NLGN1: variants seen among roughly 807,000 people sequenced by gnomAD.
The protein encoded by NLGN1 is neuroligin-1.
Under a neutral mutation model 65.5 loss-of-function variants are expected in NLGN1, and 12 were observed. That is an observed-to-expected ratio of 0.18 (90% CI 0.12 to 0.30). The LOEUF is 0.30. Among genes scored for constraint, NLGN1 ranks in the 10% least tolerant of loss-of-function variants. The pLI is 1.00. For missense variants in NLGN1, 750 were observed against 1,007.1 expected (o/e 0.74, Z 3.46); for synonymous variants, 350 against 359.5 (o/e 0.97, Z 0.30).
chr3:173,995,103 G>T (rs1182975637), intron 4 of NLGN1, among the ~76,000 whole-genome samples: 1 of 152,182 alleles, frequency 6.6e-6, no homozygotes, highest in Non-Finnish European at 1.5e-5. Context: ...CTAGCCCGAG[G>T]TTTGCAATGT....
intron 2 of NLGN1, among the ~76,000 whole-genome samples, chr3:173,559,944 T>G (rs1259612874): frequency 3.8e-5 from 1 of 26,144 alleles, no homozygotes; most frequent in African/African-American, 2.2e-4. Context: ...TAGATACACT[T>G]TTTTTTTTTT....
chr3:174,004,555 C>T lies in NLGN1; in HGVS notation c.646+196723C>T, dbSNP rs140232321. On this transcript the variant is annotated intron_variant, in intron 4 of 6. Coordinates refer to ENST00000457714, the Ensembl canonical transcript of NLGN1. ...TAAAACAAAAACATTCTTGGACTCT[C>T]ATTTACTAATATAGTAATTCTATTT... Among the ~76,000 whole-genome samples, 291 of 152,238 alleles carry T rather than the reference C, an allele frequency of 1.9e-3. 1 individual carries two copies. Among genetic ancestry groups the T allele is most frequent in the African/African-American group, 6.8e-3 (281 of 41,548 alleles).
At chr3:173,676,212 T>G (rs1763152044) in intron 3 of NLGN1, among the ~76,000 whole-genome samples, 1 of 152,148 alleles carries the variant, frequency 6.6e-6, no homozygotes, top group Non-Finnish European at 1.5e-5. Context: ...CTGCTCTTCC[T>G]TGTTTTCTAA....
chr3:174,069,423 T>C (rs1390156802), intron 4 of NLGN1, among the ~76,000 whole-genome samples: 1 of 152,068 alleles, frequency 6.6e-6, no homozygotes, highest in Non-Finnish European at 1.5e-5. Context: ...AGGAGACCAA[T>C]TAGAAGGATA....
At chr3:173,744,388 C>T (rs1446263579) in intron 3 of NLGN1, among the ~76,000 whole-genome samples, 1 of 152,096 alleles carries the variant, frequency 6.6e-6, no homozygotes, top group Non-Finnish European at 1.5e-5. Flanking sequence ...CAGATGCACT[C>T]TCTGCTCACT....
At chr3:174,078,901 A>T (rs1218350217) in intron 4 of NLGN1, among the ~76,000 whole-genome samples, 1 of 152,160 alleles carries the variant, frequency 6.6e-6, no homozygotes, top group Non-Finnish European at 1.5e-5. Flanking sequence ...CAAATCAACA[A>T]ATCTAAAGAA....
At chr3:174,081,166 GA>G (rs1742109656) in intron 4 of NLGN1, among the ~76,000 whole-genome samples, 1 of 152,116 alleles carries the variant, frequency 6.6e-6, no homozygotes. Context: ...ACTTAGACAA[GA>G]AAAAGTCTGA....
At chr3:173,694,636 C>T (rs1765938607) in intron 3 of NLGN1, among the ~76,000 whole-genome samples, 1 of 152,114 alleles carries the variant, frequency 6.6e-6, no homozygotes, top group Admixed American at 6.5e-5. Context: ...GAAAACTTGT[C>T]ATTTTTTCAT....
chr3:173,524,262 C>T (rs904118900), intron 2 of NLGN1, among the ~76,000 whole-genome samples: 1 of 151,900 alleles, frequency 6.6e-6, no homozygotes, highest in African/African-American at 2.4e-5. Context: ...TGTAGTTTTC[C>T]TTATAGAGAT....
intron 4 of NLGN1, among the ~76,000 whole-genome samples, chr3:174,117,932 A>G (rs185076345): frequency 6.6e-6 from 1 of 152,194 alleles, no homozygotes; most frequent in African/African-American, 2.4e-5. Flanking sequence ...CAGGATCTGA[A>G]CTAATCTGGC....
rs907117529 is a variant in NLGN1, at chr3:173,845,592, ATAGG to A, written c.646+37766_646+37769del. Reference sequence around the variant, plus strand: ...GGTAGATGGGTAGATGGATAGACAGATAGGTAGGTGGATGGATAGATAGATAGAT... The same window carrying A: ...GGTAGATGGGTAGATGGATAGACAGATAGGTGGATGGATAGATAGATAGAT... On this transcript the variant is annotated intron_variant, in intron 4 of 6. Transcript: ENST00000457714. 5.5e-5 allele frequency among the ~76,000 whole-genome samples: 8 copies of A among 146,374 alleles called. No individual in the cohort carries two copies. The South Asian group carries it at 8.7e-4, about 16-fold the overall frequency.
intron 3 of NLGN1, among the ~76,000 whole-genome samples, chr3:173,613,425 G>A (rs980115126): frequency 3.3e-5 from 5 of 151,776 alleles, no homozygotes; most frequent in Non-Finnish European, 5.9e-5. Flanking sequence ...TTTGTTTTTT[G>A]GTATTTTTCT....
chr3:173,576,301 T>C (rs907040770), intron 2 of NLGN1, among the ~76,000 whole-genome samples: 18 of 152,194 alleles, frequency 1.2e-4, no homozygotes, highest in African/African-American at 4.1e-4. Context: ...TTAATATCTT[T>C]AATATTTTTA....
intron 3 of NLGN1, among the ~76,000 whole-genome samples, chr3:173,681,887 CATTT>C (rs767341342): frequency 6.6e-6 from 1 of 152,158 alleles, no homozygotes; most frequent in Non-Finnish European, 1.5e-5. Context: ...TTGGGGAATT[CATTT>C]AACTACCCTA....
At chr3:174,121,629 T>C (rs907001253) in intron 4 of NLGN1, among the ~76,000 whole-genome samples, 7 of 152,190 alleles carry the variant, frequency 4.6e-5, no homozygotes, top group Non-Finnish European at 5.9e-5. Flanking sequence ...ACAATTTCAT[T>C]TGGAATAGAT....
chr3:173,769,830 G>A (rs1779323957), intron 3 of NLGN1, among the ~76,000 whole-genome samples: 1 of 152,142 alleles, frequency 6.6e-6, no homozygotes, highest in Non-Finnish European at 1.5e-5. Flanking sequence ...ATCTAAAAAA[G>A]AGTTTAGTGT....
intron 2 of NLGN1, among the ~76,000 whole-genome samples, chr3:173,487,155 A>G (rs1458825777): frequency 6.6e-6 from 1 of 152,048 alleles, no homozygotes; most frequent in African/African-American, 2.4e-5. Context: ...ATTTAAGCTT[A>G]TGACTACTCC....
chr3:174,024,237 G>GA (rs892633598), intron 4 of NLGN1, among the ~76,000 whole-genome samples: 8 of 151,632 alleles, frequency 5.3e-5, no homozygotes, highest in African/African-American at 1.7e-4. Context: ...TTATTTAGGG[G>GA]AGAACAAAGG....
intron 2 of NLGN1, among the ~76,000 whole-genome samples, chr3:173,548,186 T>A (rs1373376761): frequency 6.6e-6 from 1 of 152,118 alleles, no homozygotes; most frequent in Non-Finnish European, 1.5e-5. Flanking sequence ...ACCTTGTTAA[T>A]CACTGTTTCT....
Sources: allele counts gnomAD v4.1 joint callset (sites outside exome capture counted in the v4.1 genomes callset), GRCh38; gene constraint gnomAD v4.1.1; transcripts MANE v1.5; gene names NCBI Gene and HGNC (gene_info 2026-07-23, HGNC 2026-07-21).